LMBRD1: variants seen among roughly 807,000 people sequenced by gnomAD.
LMBRD1 encodes the protein LMBR1 domain containing 1.
LMBRD1 carries 64 observed loss-of-function variants against 74.8 expected under a neutral mutation model. That is an observed-to-expected ratio of 0.86 (90% CI 0.70 to 1.05). The LOEUF (loss-of-function observed/expected upper bound fraction) is 1.05. Ranked by LOEUF, LMBRD1 falls within the 50% of genes least tolerant of loss-of-function variation. LMBRD1 has a pLI of 0.00. For synonymous variants in LMBRD1, 204 were observed against 216.3 expected (o/e 0.94, Z 0.50); for missense variants, 652 against 645.9 (o/e 1.01, Z -0.10).
Position 69,780,553 on chromosome 6 carries a change from TC to T in LMBRD1, c.247del (p.Asp83ThrfsTer67). On this transcript the variant is annotated frameshift_variant and splice_region_variant, in exon 3 of 16. Coordinates refer to ENST00000649934, the MANE Select transcript of LMBRD1 (RefSeq NM_018368.4). LOFTEE classifies it high-confidence loss of function. ...YMKNQNGTFK[D>X]WANANVSRQI... ...TCTGCTGACATTAGCATTAGCCCAG[TC>T]CTAGGATAAAAGGAAACAATAGAAA... 1.9e-6 allele frequency: 3 copies of T among 1,604,630 alleles called. No homozygotes were observed.
At chr6:69,699,261 T>G in intron 12 of LMBRD1, 69 bp from the exon 13 acceptor site, 1 of 1,374,278 alleles carries the variant, frequency 7.3e-7, no homozygotes, top group South Asian at 1.2e-5. Flanking sequence ...CCTTTTCTTG[T>G]GTTATGGGAA....
At chr6:69,791,033 C>T (rs1193565721) in intron 1 of LMBRD1, among the ~76,000 whole-genome samples, 1 of 152,162 alleles carries the variant, frequency 6.6e-6, no homozygotes, top group East Asian at 1.9e-4. Context: ...AAAATGGATA[C>T]ATGTGCACAG....
chr6:69,773,092 A>G (rs560909068), intron 3 of LMBRD1, among the ~76,000 whole-genome samples: 1 of 152,286 alleles, frequency 6.6e-6, no homozygotes, highest in South Asian at 2.1e-4. Context: ...AAACCCTACT[A>G]TGATTTGAAT....
intron 14 of LMBRD1, among the ~76,000 whole-genome samples, chr6:69,693,230 T>C (rs1231552881): frequency 2.0e-5 from 3 of 152,102 alleles, no homozygotes; most frequent in Non-Finnish European, 4.4e-5. Context: ...AAGATAGGCA[T>C]TCTTTTTAGG....
intron 14 of LMBRD1, among the ~76,000 whole-genome samples, chr6:69,695,841 CTTTT>C (rs70987485): frequency 3.6e-5 from 5 of 140,578 alleles, no homozygotes; most frequent in Admixed American, 7.1e-5. Flanking sequence ...AACCTTAGTA[CTTTT>C]TTTTTTTTTT....
intron 6 of LMBRD1, among the ~76,000 whole-genome samples, chr6:69,739,920 A>G (rs372224819): frequency 2.0e-5 from 3 of 152,202 alleles, no homozygotes. Context: ...AGCCTGGCCA[A>G]TATGTTGAAA....
intron 1 of LMBRD1, among the ~76,000 whole-genome samples, chr6:69,795,384 C>T (rs1766196482): frequency 6.6e-6 from 1 of 152,142 alleles, no homozygotes; most frequent in Non-Finnish European, 1.5e-5. Flanking sequence ...CTTTGGCTTT[C>T]GGTCCATAAA....
At chr6:69,677,581 T>C (rs904720414) in intron 14 of LMBRD1, among the ~76,000 whole-genome samples, 3 of 152,148 alleles carry the variant, frequency 2.0e-5, no homozygotes, top group African/African-American at 7.2e-5. Context: ...CCAATATCCT[T>C]CAGTTCAAAG....
intron 14 of LMBRD1, among the ~76,000 whole-genome samples, chr6:69,682,532 T>C (rs1177876866): frequency 1.3e-5 from 2 of 151,954 alleles, no homozygotes; most frequent in Non-Finnish European, 2.9e-5. Flanking sequence ...TAATTGGCCA[T>C]ATAACACTCA....
intron 7 of LMBRD1, among the ~76,000 whole-genome samples, chr6:69,723,880 G>T (rs1485931019): frequency 1.3e-5 from 2 of 151,658 alleles, no homozygotes; most frequent in South Asian, 4.2e-4. Context: ...CAAAAAGTTG[G>T]TTTTTTAAAA....
chr6:69,728,432 C>CA (rs1336733675), intron 7 of LMBRD1, among the ~76,000 whole-genome samples: 1 of 152,162 alleles, frequency 6.6e-6, no homozygotes, highest in Non-Finnish European at 1.5e-5. Flanking sequence ...AATGCCATGG[C>CA]AATATTTTGC....
At chr6:69,793,035 ACTT>A (rs1195464715) in intron 1 of LMBRD1, among the ~76,000 whole-genome samples, 4 of 152,228 alleles carry the variant, frequency 2.6e-5, no homozygotes, top group Non-Finnish European at 4.4e-5. Context: ...CTATAGGAAT[ACTT>A]CTTTCATAAC....
intron 7 of LMBRD1, among the ~76,000 whole-genome samples, chr6:69,727,781 G>A (rs1219698728): frequency 6.6e-6 from 1 of 151,706 alleles, no homozygotes; most frequent in Non-Finnish European, 1.5e-5. Flanking sequence ...TAAAGCCTAT[G>A]GGAACTAAAG....
At chr6:69,768,621 G>A (rs542386992) in intron 3 of LMBRD1, among the ~76,000 whole-genome samples, 1 of 151,856 alleles carries the variant, frequency 6.6e-6, no homozygotes, top group Non-Finnish European at 1.5e-5. Context: ...ATAAGAAAAG[G>A]AGAAAAAATA....
At chr6:69,715,305 A>G (rs1270209632) in intron 8 of LMBRD1, among the ~76,000 whole-genome samples, 1 of 152,082 alleles carries the variant, frequency 6.6e-6, no homozygotes, top group Non-Finnish European at 1.5e-5. Context: ...CTATTTTAGA[A>G]AAAAAAATAG....
chr6:69,784,394 T>C (rs542388820), intron 2 of LMBRD1, among the ~76,000 whole-genome samples: 1 of 152,324 alleles, frequency 6.6e-6, no homozygotes, highest in East Asian at 1.9e-4. Context: ...AACTCCAAAA[T>C]GATTCTCCTC....
intron 7 of LMBRD1, 152 bp downstream of exon 7, chr6:69,737,790 T>C (rs993757188): frequency 1.5e-5 from 10 of 650,636 alleles, no homozygotes; most frequent in African/African-American, 3.7e-5. Context: ...GCTAAGTAGT[T>C]AAAATTTTAC....
intron 3 of LMBRD1, among the ~76,000 whole-genome samples, chr6:69,774,988 AGGGAGGGAGGGAGGGAGGGAGGGAG>A (rs1765663843): frequency 6.8e-5 from 2 of 29,456 alleles, no homozygotes; most frequent in Non-Finnish European, 1.3e-4. Flanking sequence ...GAAGGAAGGA[AGGGAGGGAGGGAGGGAGGGAGGGAG>A]GGAGGGAGGG....
chr6:69,707,453 T>G (rs1766284506), intron 9 of LMBRD1, among the ~76,000 whole-genome samples: 1 of 152,200 alleles, frequency 6.6e-6, no homozygotes, highest in Non-Finnish European at 1.5e-5. Flanking sequence ...CCATAAAATG[T>G]GTCCTTCTTT....
Sources: allele counts gnomAD v4.1 joint callset (sites outside exome capture counted in the v4.1 genomes callset), GRCh38; gene constraint gnomAD v4.1.1; transcripts MANE v1.5; gene names NCBI Gene and HGNC (gene_info 2026-07-23, HGNC 2026-07-21).